Variants in ARHGAP1 observed in about 807,000 individuals in gnomAD.
The protein encoded by ARHGAP1 is rho GTPase-activating protein 1.
In ARHGAP1, 23 loss-of-function variants were observed where a neutral mutation model predicts 52.2. The observed-to-expected ratio is 0.44, with a 90% CI of 0.32 to 0.62. The LOEUF (loss-of-function observed/expected upper bound fraction) is 0.62. ARHGAP1 is among the 20% of genes least tolerant of loss of function. The pLI is 0.05. For missense variants in ARHGAP1, 480 were observed against 560.9 expected (o/e 0.86, Z 1.46); for synonymous variants, 210 against 228.4 (o/e 0.92, Z 0.73).
intron 4 of ARHGAP1, among the ~76,000 whole-genome samples, chr11:46,686,181 G>C (rs147745049): frequency 1.3e-5 from 2 of 150,226 alleles, no homozygotes; most frequent in African/African-American, 4.9e-5. Flanking sequence ...AGTAGAGACA[G>C]GGTCATGTTG....
At chr11:46,688,340 C>T (rs2064587646) in intron 3 of ARHGAP1, 80 bp from the exon 4 acceptor site, 1 of 1,385,318 alleles carries the variant, frequency 7.2e-7, no homozygotes, top group Non-Finnish European at 1.0e-6. Context: ...AGGGGCCAGG[C>T]CTGCTGATCT....
At chr11:46,684,268 A>G (rs184045433) in intron 4 of ARHGAP1, among the ~76,000 whole-genome samples, 1 of 152,350 alleles carries the variant, frequency 6.6e-6, no homozygotes, top group East Asian at 1.9e-4. Context: ...CAACTACAAA[A>G]ATAGCAAAGA....
In ARHGAP1 at chr11:46,696,024, G is replaced by C. The variant is rs754549621; in HGVS notation, c.84C>G (p.Ile28Met). The stretch of plus-strand genomic sequence containing the variant: ...CATCCGAGGGCCAGTTCTTCTCATC[G>C]ATGGAGGCCAGCTTCAGCTGGTTCA... ...EALNQLKLAS[I>M]DEKNWPSDEM... Residue 28 changes from isoleucine (I) to methionine (M), a missense_variant, in exon 2 of 13, where the codon ATC (isoleucine) becomes ATG (methionine). By Grantham distance (10) the Ile-to-Met change is conservative (BLOSUM62 1). Coordinates refer to ENST00000311956, the MANE Select transcript of ARHGAP1 (RefSeq NM_004308.5). This position sits in a 1 kb window ranked among gnomAD's most constrained non-coding sequence, Gnocchi z 4.8. 6.2e-7 allele frequency: 1 copy of C among 1,614,172 alleles called. No individual in the cohort carries two copies. The highest frequency in any genetic ancestry group is 8.5e-7 in the Non-Finnish European group (1 of 1,180,022).
rs146581648 is a variant in ARHGAP1, at chr11:46,694,043, C to T, written c.229+1617G>A. Among the ~76,000 whole-genome samples the T allele has an allele frequency of 5.9e-3, 891 of 152,288 alleles. 5 individuals carry two copies. Among genetic ancestry groups the T allele is most frequent in the Non-Finnish European group, 0.01 (707 of 68,022 alleles). ...CCTCCCTTCCTACAAGGGCTTCTCCCGGACATCTCCACGGTCTCACCAAAT... is the reference window on the plus strand; with the variant it reads ...CCTCCCTTCCTACAAGGGCTTCTCCTGGACATCTCCACGGTCTCACCAAAT... On this transcript the variant is annotated intron_variant, in intron 3 of 12. Transcript: ENST00000311956.
chr11:46,679,317 T>C lies in ARHGAP1; in HGVS notation c.1131+48A>G. On this transcript the variant is annotated intron_variant, in intron 12 of 12. Transcript: ENST00000311956. The surrounding 1 kb of genome is among the most constrained non-coding windows in gnomAD (Gnocchi z 4.4). ...ACCAGGGCGCAGAGGAGGCGGCAGC[T>C]CCTCCTTCCCCCTCCCTTCACCCCA... 6.2e-7 allele frequency: 1 copy of C among 1,604,498 alleles called. No homozygotes were observed. The highest frequency in any genetic ancestry group is 8.5e-7 in the Non-Finnish European group (1 of 1,172,702).
In ARHGAP1 at chr11:46,680,257, C is replaced by A. The variant is rs769197662; in HGVS notation, c.846G>T (p.Arg282=). The change falls in exon 10 of 13, where the codon CGG becomes CGT. Residue 282 remains arginine, a synonymous_variant. Transcript: ENST00000311956. The surrounding 1 kb of genome is among the most constrained non-coding windows in gnomAD (Gnocchi z 5.9). ...AHALTTEGIF[R]RSANTQVVRE... ...GGACCACTTGGGTGTTGGCCGACCT[C>A]CGGAAGATGCCCTCGGTGGTGAGAG... The A allele has an allele frequency of 8.7e-6, 14 of 1,614,052 alleles. No individual in the cohort carries two copies. Among genetic ancestry groups the A allele is most frequent in the Non-Finnish European group, 1.2e-5 (14 of 1,180,056 alleles).
rs2064482319 is a variant in ARHGAP1, at chr11:46,677,102, A to AAAT, written c.*1932_*1934dup. 6.6e-6 allele frequency: 1 copy of AAAT among 152,652 alleles called. No homozygotes were observed. The highest frequency in any genetic ancestry group is 2.4e-5 in the African/African-American group (1 of 41,454). 9.5% of individuals were successfully genotyped at this position (152,652 alleles called of 1,614,324 possible). On this transcript the variant is annotated 3_prime_UTR_variant, in exon 13 of 13. Coordinates refer to ENST00000311956, the MANE Select transcript of ARHGAP1 (RefSeq NM_004308.5). The stretch of plus-strand genomic sequence containing the variant: ...CAGTTTTGCATCAACATTTTTATTG[A>AAAT]AATACAAAAAGTGCAAACGGTGAAA...
Position 46,680,703 on chromosome 11 carries a change from G to T in ARHGAP1, c.680C>A (p.Ala227Asp), listed in dbSNP as rs781348427. Residue 227 changes from alanine to aspartate, a missense_variant, in exon 8 of 13, where the codon GCC (alanine) becomes GAC (aspartate). Transcript: ENST00000311956. The surrounding 1 kb of genome is among the most constrained non-coding windows in gnomAD (Gnocchi z 5.9). ...LKSTQKSPAT[A>D]PKPMPPRPPL... ...GGGCCGTGGGGGCATGGGCTTGGGG[G>T]CTGTCGCGGGGCTCTTCTGTGTGGA... 1.3e-6 allele frequency: 2 copies of T among 1,584,826 alleles called. No homozygotes were observed. Among genetic ancestry groups the T allele is most frequent in the Admixed American group, 3.5e-5 (2 of 57,498 alleles).
At chr11:46,698,016 C>T (rs545843906) in intron 1 of ARHGAP1, among the ~76,000 whole-genome samples, 1 of 152,324 alleles carries the variant, frequency 6.6e-6, no homozygotes, top group Admixed American at 6.5e-5. Context: ...TCTCTCTACC[C>T]TTTCTATTCA....
chr11:46,684,196 C>A (rs2064551236), intron 4 of ARHGAP1, among the ~76,000 whole-genome samples: 1 of 152,196 alleles, frequency 6.6e-6, no homozygotes, highest in Non-Finnish European at 1.5e-5. Flanking sequence ...GGTCATTTAC[C>A]CCTTCTCCAC....
intron 3 of ARHGAP1, among the ~76,000 whole-genome samples, chr11:46,693,407 C>CTTTTTT (rs11418068): frequency 2.1e-5 from 3 of 145,618 alleles, no homozygotes; most frequent in African/African-American, 2.5e-5. Flanking sequence ...AGACTGTAAT[C>CTTTTTT]TTTTTTTTTT....
chr11:46,695,643 G>T lies in ARHGAP1; in HGVS notation c.229+17C>A. The T allele has an allele frequency of 1.9e-6, 3 of 1,550,612 alleles. No homozygotes were observed. Among genetic ancestry groups the T allele is most frequent in the Non-Finnish European group, 2.6e-6 (3 of 1,145,952 alleles). On this transcript the variant is annotated intron_variant, in intron 3 of 12. Transcript: ENST00000311956. Reference sequence around the variant, plus strand: ...AGGAGCTCTGAGGGTTAGGAAAATAGTGTTGGGTGTGCTTACCTGCCACCT... The same window carrying T: ...AGGAGCTCTGAGGGTTAGGAAAATATTGTTGGGTGTGCTTACCTGCCACCT...
intron 3 of ARHGAP1, among the ~76,000 whole-genome samples, chr11:46,694,817 AACT>A (rs2064640328): frequency 6.6e-6 from 1 of 152,138 alleles, no homozygotes; most frequent in Non-Finnish European, 1.5e-5. Flanking sequence ...CAATCCTCTC[AACT>A]GCCCCCTCCC....
In ARHGAP1 at chr11:46,680,187, C is replaced by A. The variant is rs1436738160; in HGVS notation, c.898+18G>T. On this transcript the variant is annotated intron_variant, in intron 10 of 12. Coordinates refer to ENST00000311956, the MANE Select transcript of ARHGAP1 (RefSeq NM_004308.5). The surrounding 1 kb of genome is among the most constrained non-coding windows in gnomAD (Gnocchi z 5.9). ...CAGTAACACACATATGGCCCTGCAA[C>A]AGCCCAGGGCTGCTCACCCATGTTG... 1.9e-6 allele frequency: 3 copies of A among 1,613,412 alleles called. No homozygotes were observed. The East Asian group carries it at 6.7e-5, about 36-fold the overall frequency.
intron 1 of ARHGAP1, among the ~76,000 whole-genome samples, chr11:46,699,897 C>A (rs1212450578): frequency 6.6e-6 from 1 of 151,658 alleles, no homozygotes; most frequent in African/African-American, 2.4e-5. Flanking sequence ...TGAGGCCGGG[C>A]GCAGTGGCTC....
In ARHGAP1 at chr11:46,681,464, G is replaced by A. The variant is rs1187097127; in HGVS notation, c.450-85C>T. ...GTCCCAGTGCATACTTTTTTTTTTTGAGACAGAGTCTCCTTCACCCAGGCT... is the reference window on the plus strand; with the variant it reads ...GTCCCAGTGCATACTTTTTTTTTTTAAGACAGAGTCTCCTTCACCCAGGCT... On this transcript the variant is annotated intron_variant, in intron 5 of 12. Coordinates refer to ENST00000311956, the MANE Select transcript of ARHGAP1 (RefSeq NM_004308.5). The surrounding 1 kb of genome is among the most constrained non-coding windows in gnomAD (Gnocchi z 5.7). 6 of 951,822 alleles carry A rather than the reference G, an allele frequency of 6.3e-6. No individual in the cohort carries two copies. In the East Asian group the frequency reaches 7.3e-5, roughly 12 times the overall value. The allele number at this position is 951,822 out of a possible 1,614,324, so 59.0% of individuals were successfully genotyped here.
Position 46,679,150 on chromosome 11 carries a change from C to T in ARHGAP1, c.1207G>A (p.Ala403Thr). 1 of 1,613,920 alleles carries T rather than the reference C, an allele frequency of 6.2e-7. No homozygotes were observed. The highest frequency in any genetic ancestry group is 1.3e-5 in the African/African-American group (1 of 75,046). ...AVVFGPNLLW[A>T]KDAAITLKAI... ...TTGAGGGTGATGGCCGCATCCTTGG[C>T]CCACAGCAGGTTAGGGCCGAAAACA... Residue 403 changes from alanine to threonine, a missense_variant, in exon 13 of 13, where the codon GCC (alanine) becomes ACC (threonine). Ala to Thr is a moderately conservative substitution (Grantham distance 58). Coordinates refer to ENST00000311956, the MANE Select transcript of ARHGAP1 (RefSeq NM_004308.5). This position sits in a 1 kb window ranked among gnomAD's most constrained non-coding sequence, Gnocchi z 4.4.
At chr11:46,691,593 A>G (rs2064615874) in intron 3 of ARHGAP1, among the ~76,000 whole-genome samples, 1 of 152,102 alleles carries the variant, frequency 6.6e-6, no homozygotes, top group Admixed American at 6.6e-5. Context: ...CTAGGACTAC[A>G]GGCATGTCCC....
At chr11:46,683,037 C>CT (rs66603634) in intron 4 of ARHGAP1, among the ~76,000 whole-genome samples, 91,913 of 108,816 alleles carry the variant, frequency 0.84, 39,537 homozygotes, top group East Asian at 0.97. Flanking sequence ...CCAAAGCCTG[C>CT]TTTTTTTTTT....
Sources: gnomAD v4.1 joint callset for allele counts (sites outside exome capture counted in the v4.1 genomes callset) on GRCh38, gnomAD v4.1.1 for gene constraint, Gnocchi (gnomAD v3.1) non-coding constraint, MANE v1.5 for transcripts, NCBI Gene and HGNC (gene_info 2026-07-23, HGNC 2026-07-21) for gene names.